NMRK1: variants seen among roughly 807,000 people sequenced by gnomAD.
The protein encoded by NMRK1 is nicotinamide riboside kinase 1.
Under a neutral mutation model 29.9 loss-of-function variants are expected in NMRK1, and 28 were observed. That is an observed-to-expected ratio of 0.94 (90% CI 0.69 to 1.28). NMRK1 has a LOEUF of 1.28. Ranked by LOEUF, NMRK1 falls within the 50% of genes most tolerant of loss-of-function variation. The probability of loss-of-function intolerance (pLI) is 0.00; values close to 1 mark genes in which losing one functional copy is unlikely to be tolerated. For missense variants in NMRK1, 218 were observed against 233.1 expected (o/e 0.94, Z 0.42); for synonymous variants, 58 against 73.0 (o/e 0.79, Z 1.05).
intron 8 of NMRK1, among the ~76,000 whole-genome samples, chr9:75,062,607 C>G (rs148466334): frequency 7.2e-5 from 11 of 152,290 alleles, no homozygotes; most frequent in Admixed American, 5.9e-4. Context: ...ATTAACTACA[C>G]TGTCCTTGCA....
In NMRK1 at chr9:75,060,788, G is replaced by C. The variant is rs531108704; in HGVS notation, c.*760C>G. On this transcript the variant is annotated 3_prime_UTR_variant, in exon 9 of 9. Transcript: ENST00000361092. ...CAAAAACAAAATGAACCACGAGGGG[G>C]GAGAAAGAAACCAGAAACCCTATTT... The C allele has an allele frequency of 6.7e-6, 1 of 148,172 alleles. No individual in the cohort carries two copies. Among genetic ancestry groups the C allele is most frequent in the African/African-American group, 2.5e-5 (1 of 39,532 alleles). The allele number at this position is 148,172 out of a possible 1,614,324, so 9.2% of individuals were successfully genotyped here.
At position 75,069,773 on chromosome 9, in the gene NMRK1, T is replaced by C; in HGVS notation, c.358A>G (p.Ile120Val). The C allele has an allele frequency of 6.2e-7, 1 of 1,612,546 alleles. No homozygotes were observed. Among genetic ancestry groups the C allele is most frequent in the Non-Finnish European group, 8.5e-7 (1 of 1,179,166 alleles). Residue 120 changes from isoleucine to valine, a missense_variant, in exon 6 of 9, where the codon ATT (isoleucine) becomes GTT (valine). Ile to Val is a conservative substitution (Grantham distance 29). Transcript: ENST00000361092. Reference protein sequence around the residue: ...TIWNRSYFLTIPYEECKRRRS... With the variant: ...TIWNRSYFLTVPYEECKRRRS... ...CTCCTTTTACATTCTTCATATGGAA[T>C]AGTCAGGAAATAGCTTCTATTCCAT...
intron 2 of NMRK1, among the ~76,000 whole-genome samples, chr9:75,079,176 A>G (rs565633745): frequency 1.2e-4 from 18 of 152,332 alleles, no homozygotes; most frequent in African/African-American, 4.1e-4. Flanking sequence ...TTATACCTCA[A>G]GGTAGAAGGA....
At chr9:75,085,054 G>A (rs1587411884) in intron 1 of NMRK1, among the ~76,000 whole-genome samples, 1 of 152,016 alleles carries the variant, frequency 6.6e-6, no homozygotes, top group African/African-American at 2.4e-5. Context: ...TCTCACTTTT[G>A]TGGTGATAAA....
At chr9:75,086,095 A>C (rs1249607874) in intron 1 of NMRK1, among the ~76,000 whole-genome samples, 1 of 152,114 alleles carries the variant, frequency 6.6e-6, no homozygotes, top group Non-Finnish European at 1.5e-5. Context: ...AAAATCACCA[A>C]GGCTGCAGTG....
chr9:75,078,612 C>T, intron 2 of NMRK1: 2 of 1,186,102 alleles, frequency 1.7e-6, no homozygotes, highest in Non-Finnish European at 2.1e-6. Flanking sequence ...CATCTGTGAA[C>T]TTGAATGAGA....
intron 4 of NMRK1, among the ~76,000 whole-genome samples, chr9:75,070,714 C>T (rs1337444980): frequency 2.0e-5 from 3 of 152,158 alleles, no homozygotes; most frequent in Admixed American, 1.3e-4. Context: ...ATTGAGCCAA[C>T]AGCACTTAAG....
chr9:75,067,867 C>T (rs1486791871), intron 7 of NMRK1, among the ~76,000 whole-genome samples: 2 of 152,136 alleles, frequency 1.3e-5, no homozygotes, highest in Non-Finnish European at 2.9e-5. Context: ...ACAGACAAGT[C>T]CCCTTTATTG....
chr9:75,078,639 A>C, intron 2 of NMRK1: 1 of 926,830 alleles, frequency 1.1e-6, no homozygotes, highest in Non-Finnish European at 1.4e-6. Context: ...TTATACCTTT[A>C]TTTTCATTGA....
At chr9:75,064,125 C>A (rs985270826) in intron 8 of NMRK1, among the ~76,000 whole-genome samples, 3 of 152,096 alleles carry the variant, frequency 2.0e-5, no homozygotes, top group Admixed American at 1.3e-4. Flanking sequence ...GTCAGCTGTT[C>A]TTGGGCTTTG....
chr9:75,073,400 G>A (rs961973019), intron 4 of NMRK1, among the ~76,000 whole-genome samples: 1 of 152,156 alleles, frequency 6.6e-6, no homozygotes, highest in African/African-American at 2.4e-5. Context: ...GTGGTACTTT[G>A]TTATGTTGCC....
rs188082506 is a variant in NMRK1 at position 75,075,612 on chromosome 9, A to C, written c.169+1547T>G. ...ATCAAATATTAAACTGCCTATTAGC[A>C]TGATATTCTCTACAAAAAATGTTTT... On this transcript the variant is annotated intron_variant, in intron 4 of 8. Transcript: ENST00000361092. Among the ~76,000 whole-genome samples, 5 of 152,382 alleles carry C rather than the reference A, an allele frequency of 3.3e-5. No individual in the cohort carries two copies. In the East Asian group the frequency reaches 9.6e-4, roughly 29 times the overall value.
chr9:75,072,260 G>C (rs1823742797), intron 4 of NMRK1, among the ~76,000 whole-genome samples: 1 of 152,126 alleles, frequency 6.6e-6, no homozygotes, highest in Non-Finnish European at 1.5e-5. Context: ...GGAATCTTTA[G>C]CCAGCATGCT....
chr9:75,081,553 C>T (rs891688664), intron 2 of NMRK1, among the ~76,000 whole-genome samples: 11 of 152,180 alleles, frequency 7.2e-5, no homozygotes, highest in Middle Eastern at 3.2e-3. Context: ...TCTAGGTATA[C>T]GGCCCTGTAT....
At chr9:75,080,008 G>A (rs1216966053) in intron 2 of NMRK1, among the ~76,000 whole-genome samples, 1 of 152,084 alleles carries the variant, frequency 6.6e-6, no homozygotes, top group Non-Finnish European at 1.5e-5. Flanking sequence ...ACAACTCCTG[G>A]CCCATTTATT....
chr9:75,081,818 G>T (rs913067425), intron 2 of NMRK1, among the ~76,000 whole-genome samples: 1 of 152,190 alleles, frequency 6.6e-6, no homozygotes, highest in Non-Finnish European at 1.5e-5. Context: ...TATGACCTAG[G>T]GGAAGAGAAG....
chr9:75,063,114 C>T (rs1425594096), intron 8 of NMRK1, among the ~76,000 whole-genome samples: 1 of 151,766 alleles, frequency 6.6e-6, no homozygotes, highest in Admixed American at 6.6e-5. Context: ...ATCACCCTGG[C>T]TAACATGGTG....
chr9:75,067,986 A>G (rs990047728), intron 7 of NMRK1, among the ~76,000 whole-genome samples: 2 of 152,208 alleles, frequency 1.3e-5, no homozygotes, highest in African/African-American at 4.8e-5. Context: ...TCAAGCCCAC[A>G]GATCCGGATG....
chr9:75,078,513 ATC>A, intron 2 of NMRK1: 8 of 1,339,876 alleles, frequency 6.0e-6, no homozygotes, highest in Non-Finnish European at 7.7e-6. Flanking sequence ...CATCGAGGAG[ATC>A]ACACGGGAGG....
Sources: gnomAD v4.1 joint callset for allele counts (sites outside exome capture counted in the v4.1 genomes callset) on GRCh38, gnomAD v4.1.1 for gene constraint, MANE v1.5 for transcripts, NCBI Gene and HGNC (gene_info 2026-07-23, HGNC 2026-07-21) for gene names.